OPN1SW: variants seen among roughly 807,000 people sequenced by gnomAD.
OPN1SW encodes the protein opsin 1, short wave sensitive, also known as short-wave-sensitive opsin 1.
A neutral mutation model predicts 31.9 loss-of-function variants in OPN1SW; 25 were observed. The ratio of observed to expected loss-of-function variants is 0.78; its 90% CI spans 0.57 to 1.09. The LOEUF (loss-of-function observed/expected upper bound fraction) is 1.09. Among genes scored for constraint, OPN1SW ranks in the 50% least tolerant of loss-of-function variants. The pLI is 0.00. For missense variants in OPN1SW, 424 were observed against 448.0 expected, an observed-to-expected ratio of 0.95 and a Z score of 0.48; for synonymous variants, 190 against 171.9, an observed-to-expected ratio of 1.11 and a Z score of -0.82.
chr7:128,773,518 C>A (rs1236552161), intron 4 of OPN1SW, 131 bp downstream of exon 4: 11 of 1,246,426 alleles, frequency 8.8e-6, no homozygotes, highest in Non-Finnish European at 1.3e-5. Context: ...TCCCAACCTA[C>A]TCGGGGGTTT....
chr7:128,773,943 CTTTTT>C (rs539944204), intron 3 of OPN1SW, 55 bp from the exon 4 acceptor site: 10 of 1,378,598 alleles, frequency 7.3e-6, no homozygotes, highest in East Asian at 2.5e-5. Context: ...CCTCTGGATG[CTTTTT>C]TTTTTTTTTT....
rs200504235 is a variant in OPN1SW, at chr7:128,775,748, T to G, written c.34A>C (p.Ile12Leu). 107 of 1,614,150 alleles carry G rather than the reference T, an allele frequency of 6.6e-5. No homozygotes were observed. The highest frequency in any genetic ancestry group is 2.8e-4 in the African/African-American group (21 of 75,022). Residue 12 changes from isoleucine to leucine, a missense_variant, in exon 1 of 5, where the codon ATC (isoleucine) becomes CTC (leucine). Coordinates refer to ENST00000249389, the MANE Select transcript of OPN1SW (RefSeq NM_001385125.1). ...SEEEFYLFKN[I>L]SSVGPWDGPQ... ...CCATCCCACGGCCCCACTGAAGAGATATTTTTGAACAGATAAAACTCTTCC... is the reference window on the plus strand; with the variant it reads ...CCATCCCACGGCCCCACTGAAGAGAGATTTTTGAACAGATAAAACTCTTCC...
rs757431387 is a variant in OPN1SW at position 128,775,051 on chromosome 7, C to T, written c.447G>A (p.Thr149=). ...NFRFSSKHAL[T]VVLATWTIGI... ...CAATGGTCCAGGTAGCCAGGACCAC[C>T]GTCAGTGCATGCTTGGAGCTGAAGC... The change falls in exon 2 of 5, where the codon ACG becomes ACA. Residue 149 remains threonine (T), a synonymous_variant. Coordinates refer to ENST00000249389, the MANE Select transcript of OPN1SW (RefSeq NM_001385125.1). 1.9e-5 allele frequency: 31 copies of T among 1,614,058 alleles called. No individual in the cohort carries two copies. In the Admixed American group the frequency reaches 2.8e-4, roughly 15 times the overall value.
rs757952838 is a variant in OPN1SW, at chr7:128,773,760, C to G, written c.807G>C (p.Met269Ile). 3 of 1,614,164 alleles carry G rather than the reference C, an allele frequency of 1.9e-6. No individual in the cohort carries two copies. Among genetic ancestry groups the G allele is most frequent in the Non-Finnish European group, 2.5e-6 (3 of 1,180,026 alleles). The change falls in exon 4 of 5, where the codon ATG (methionine) becomes ATC (isoleucine). Residue 269 changes from methionine (M) to isoleucine (I), a missense_variant. By Grantham distance (10) the Met-to-Ile change is conservative (BLOSUM62 1). Transcript: ENST00000249389. ...YVPYAAFAMY[M>I]VNNRNHGLDL... ...CCAGCCCATGGTTACGGTTGTTGACCATGTACATGGCGAAGGCCGCGTAGG... is the reference window on the plus strand; with the variant it reads ...CCAGCCCATGGTTACGGTTGTTGACGATGTACATGGCGAAGGCCGCGTAGG...
intron 2 of OPN1SW, 89 bp from the exon 3 acceptor site, chr7:128,774,752 C>T: frequency 6.4e-7 from 1 of 1,556,618 alleles, no homozygotes; most frequent in Non-Finnish European, 8.8e-7. Context: ...CACTTAGAAC[C>T]CACGGAATGC....
In OPN1SW at chr7:128,774,489, G is replaced by GC. The variant is rs778358549; in HGVS notation, c.678+8dup. 4 of 1,613,430 alleles carry GC rather than the reference G, an allele frequency of 2.5e-6. No homozygotes were observed. In the African/African-American group the frequency reaches 5.3e-5, roughly 22 times the overall value. On this transcript the variant is annotated intron_variant, in intron 3 of 4. Transcript: ENST00000249389. The stretch of plus-strand genomic sequence containing the variant: ...ACCCCTTCTTCCCTGACTATCAAAT[G>GC]CCACTCACAGCTTTCAGGGCCCTCA...
rs780447000 is a variant in OPN1SW, at chr7:128,772,614, C to T, written c.964G>A (p.Asp322Asn). ...MKMVCGKAMT[D>N]ESDTCSSQKT... ...TGGGAGCTGCATGTGTCGGATTCAT[C>T]TGTCATGGCCTTCCCACACACCATC... is the stretch of plus-strand genomic sequence containing the variant. Residue 322 changes from aspartate to asparagine, a missense_variant, in exon 5 of 5, where the codon GAT becomes AAT. Physicochemically the swap from Asp to Asn is conservative, Grantham distance 23. Coordinates refer to ENST00000249389, the MANE Select transcript of OPN1SW (RefSeq NM_001385125.1). 1.2e-6 allele frequency: 2 copies of T among 1,614,174 alleles called. No homozygotes were observed. Among genetic ancestry groups the T allele is most frequent in the East Asian group, 2.2e-5 (1 of 44,886 alleles).
In OPN1SW at chr7:128,773,802, G is replaced by C. The variant is rs190617412; in HGVS notation, c.765C>G (p.Phe255Leu). ...SRMVVVMVGS[F>L]CVCYVPYAAF... ...CCGCGTAGGGCACGTAGCAGACACAGAAGGATCCTACCATCACAACCACCA... is the reference window on the plus strand; with the variant it reads ...CCGCGTAGGGCACGTAGCAGACACACAAGGATCCTACCATCACAACCACCA... The change falls in exon 4 of 5, where the codon TTC becomes TTG. Residue 255 changes from phenylalanine to leucine, a missense_variant. Transcript: ENST00000249389. The C allele has an allele frequency of 6.2e-7, 1 of 1,614,150 alleles. No homozygotes were observed.
In OPN1SW at chr7:128,775,699, A is replaced by G. The variant is rs1187587087; in HGVS notation, c.83T>C (p.Val28Ala). 3.7e-6 allele frequency: 6 copies of G among 1,614,078 alleles called. No individual in the cohort carries two copies. Among genetic ancestry groups the G allele is most frequent in the Middle Eastern group, 1.6e-4 (1 of 6,084 alleles). ...WDGPQYHIAP[V>A]WAFYLQAAFM... ...AGCTGCCTGGAGGTAGAAGGCCCAG[A>G]CAGGGGCAATGTGGTACTGAGGCCC... The change falls in exon 1 of 5, where the codon GTC becomes GCC. Residue 28 changes from valine (V) to alanine (A), a missense_variant. Transcript: ENST00000249389.
chr7:128,773,204 A>G (rs189168873), intron 4 of OPN1SW, among the ~76,000 whole-genome samples: 1 of 152,370 alleles, frequency 6.6e-6, no homozygotes, highest in Non-Finnish European at 1.5e-5. Flanking sequence ...GTGCAGGCTA[A>G]AAGTTGGAAG....
rs756986274 is a variant in OPN1SW, at chr7:128,774,523, G to A, written c.653C>T (p.Thr218Ile). 1 of 1,614,028 alleles carries A rather than the reference G, an allele frequency of 6.2e-7. No individual in the cohort carries two copies. The highest frequency in any genetic ancestry group is 8.5e-7 in the Non-Finnish European group (1 of 1,180,022). ...VPLSLICFSY[T>I]QLLRALKAVA... ...AGCTTTCAGGGCCCTCAGCAGCTGA[G>A]TGTAGGAGAAGCAGATGAGGGAGAG... The change falls in exon 3 of 5, where the codon ACT becomes ATT. Residue 218 changes from threonine (T) to isoleucine (I), a missense_variant. Coordinates refer to ENST00000249389, the MANE Select transcript of OPN1SW (RefSeq NM_001385125.1).
At chr7:128,774,115 C>T (rs1801701723) in intron 3 of OPN1SW, among the ~76,000 whole-genome samples, 1 of 152,124 alleles carries the variant, frequency 6.6e-6, no homozygotes, top group African/African-American at 2.4e-5. Flanking sequence ...GTTACAAGCA[C>T]ACACCACCAT....
Position 128,775,100 on chromosome 7 carries a change from A to G in OPN1SW, c.398T>C (p.Ile133Thr). The stretch of plus-strand genomic sequence containing the variant: ...GCGGAAGTTGCCGAAGGGCTTACAG[A>G]TGACAATGTAGCGCTCAAAGGCCAG... Reference protein sequence around the residue: ...AFLAFERYIVICKPFGNFRFS... With the variant: ...AFLAFERYIVTCKPFGNFRFS... Residue 133 changes from isoleucine (I) to threonine (T), a missense_variant, in exon 2 of 5, where the codon ATC becomes ACC. Transcript: ENST00000249389. 6.2e-7 allele frequency: 1 copy of G among 1,614,206 alleles called. No individual in the cohort carries two copies. Among genetic ancestry groups the G allele is most frequent in the Non-Finnish European group, 8.5e-7 (1 of 1,180,040 alleles).
chr7:128,773,599 A>G (rs754179078), intron 4 of OPN1SW, 50 bp downstream of exon 4: 37 of 1,613,394 alleles, frequency 2.3e-5, no homozygotes, highest in Non-Finnish European at 2.1e-5. Context: ...CAATGGTGAG[A>G]AAAGAACCAG....
intron 4 of OPN1SW, 32 bp from the exon 5 acceptor site, chr7:128,772,691 T>C (rs371641480): frequency 2.1e-5 from 34 of 1,613,820 alleles, no homozygotes; most frequent in Non-Finnish European, 2.7e-5. Context: ...GAGATAACCT[T>C]GGCAGATGAG....
intron 4 of OPN1SW, 49 bp from the exon 5 acceptor site, chr7:128,772,708 T>C: frequency 6.2e-7 from 1 of 1,613,142 alleles, no homozygotes; most frequent in Non-Finnish European, 8.5e-7. Flanking sequence ...TGAGGAAGTA[T>C]GGGAAAAAAG....
chr7:128,774,141 G>A (rs73238106), intron 3 of OPN1SW, among the ~76,000 whole-genome samples: 7,192 of 151,796 alleles, frequency 0.047, 239 homozygotes, highest in East Asian at 0.14. Context: ...GCTAATTTTC[G>A]CATTTTAGCA....
chr7:128,774,671 G>A lies in OPN1SW; in HGVS notation c.513-8C>T, dbSNP rs558663008. On this transcript the variant is annotated splice_polypyrimidine_tract_variant and splice_region_variant and intron_variant, in intron 2 of 4. Coordinates refer to ENST00000249389, the MANE Select transcript of OPN1SW (RefSeq NM_001385125.1). ...AGGCCCTCAGGGATGAACCTGCAAA[G>A]GACCAAACACTTGCTCACTGGACTC... 1.1e-5 allele frequency: 18 copies of A among 1,613,978 alleles called. No homozygotes were observed. The highest frequency in any genetic ancestry group is 1.4e-5 in the Non-Finnish European group (17 of 1,180,046).
intron 2 of OPN1SW, 69 bp downstream of exon 2, chr7:128,774,917 C>T: frequency 1.3e-6 from 2 of 1,595,378 alleles, no homozygotes; most frequent in South Asian, 1.1e-5. Flanking sequence ...TAGTTATACC[C>T]AAGCTCTCTT....
Sources: allele counts gnomAD v4.1 joint callset (sites outside exome capture counted in the v4.1 genomes callset), GRCh38; gene constraint gnomAD v4.1.1; transcripts MANE v1.5; gene names NCBI Gene and HGNC (gene_info 2026-07-23, HGNC 2026-07-21).